The following RBFOX1 variants were observed in gnomAD, a reference collection of about 807,000 sequenced individuals.
The protein encoded by RBFOX1 is RNA binding protein fox-1 homolog 1.
Under a neutral mutation model 57.7 loss-of-function variants are expected in RBFOX1, and 8 were observed. The ratio of observed to expected loss-of-function variants is 0.14; its 90% CI spans 0.08 to 0.25. RBFOX1 has a LOEUF of 0.25. RBFOX1 is among the 10% of genes least tolerant of loss of function. RBFOX1 has a pLI of 1.00. For synonymous variants in RBFOX1, 326 were observed against 222.4 expected (o/e 1.47, Z -4.15); for missense variants, 611 against 548.5 (o/e 1.11, Z -1.14).
At chr16:7,115,593 C>A (rs938717736) in intron 4 of RBFOX1, among the ~76,000 whole-genome samples, 1 of 152,088 alleles carries the variant, frequency 6.6e-6, no homozygotes, top group Non-Finnish European at 1.5e-5. Context: ...AGTTTGCTGC[C>A]CACAGATTTA....
chr16:5,690,193 A>G (rs917464896), intron 3 of RBFOX1, among the ~76,000 whole-genome samples: 5 of 152,244 alleles, frequency 3.3e-5, no homozygotes, highest in African/African-American at 1.2e-4. Context: ...TACTTATCCA[A>G]TGAAAGGGCA....
At chr16:5,864,799 T>C (rs950172823) in intron 3 of RBFOX1, among the ~76,000 whole-genome samples, 1 of 152,172 alleles carries the variant, frequency 6.6e-6, no homozygotes, top group South Asian at 2.1e-4. Flanking sequence ...TGGGAAAAAC[T>C]GAAACGCAAA....
chr16:7,196,456 G>C (rs1021649641), intron 4 of RBFOX1, among the ~76,000 whole-genome samples: 4 of 152,180 alleles, frequency 2.6e-5, no homozygotes, highest in Non-Finnish European at 4.4e-5. Flanking sequence ...AACACTGATA[G>C]TGTAGGTACC....
intron 3 of RBFOX1, among the ~76,000 whole-genome samples, chr16:6,849,023 G>T (rs553765295): frequency 2.0e-5 from 3 of 152,258 alleles, no homozygotes; most frequent in Admixed American, 6.5e-5. Flanking sequence ...CCCACCATTG[G>T]CCAGGCTTAC....
chr16:7,692,241 A>G lies in RBFOX1; in HGVS notation c.995+15403A>G, dbSNP rs17144608. 4.6e-5 allele frequency among the ~76,000 whole-genome samples: 7 copies of G among 152,300 alleles called. No individual in the cohort carries two copies. The South Asian group carries it at 1.2e-3, about 27-fold the overall frequency. ...TAAAAATATTATTCTCAAAGCATGT[A>G]TAACTTGTTTATATTTTATTGGTGT... On this transcript the variant is annotated intron_variant, in intron 14 of 15. Transcript: ENST00000550418.
At chr16:5,622,462 A>G (rs1465269639) in intron 3 of RBFOX1, among the ~76,000 whole-genome samples, 1 of 152,234 alleles carries the variant, frequency 6.6e-6, no homozygotes. Flanking sequence ...TGAATAAACA[A>G]ATCCATTGAA....
intron 4 of RBFOX1, among the ~76,000 whole-genome samples, chr16:5,993,888 A>C (rs2152322375): frequency 6.6e-6 from 1 of 152,266 alleles, no homozygotes; most frequent in Middle Eastern, 3.4e-3. Flanking sequence ...ATTAATTCTT[A>C]TTTAGTGAAG....
At chr16:7,698,185 T>TGG (rs923251834) in intron 14 of RBFOX1, among the ~76,000 whole-genome samples, 1 of 32,450 alleles carries the variant, frequency 3.1e-5, no homozygotes, top group African/African-American at 9.6e-5. Context: ...TCCAAGAGGG[T>TGG]GTGTGTGTGT....
chr16:5,468,896 T>G (rs1050878740), intron 2 of RBFOX1, among the ~76,000 whole-genome samples: 45 of 152,216 alleles, frequency 3.0e-4, no homozygotes, highest in Admixed American at 2.9e-3. Flanking sequence ...CTTCTTCACT[T>G]GGCTTCCCGC....
At position 5,342,155 on chromosome 16, in the gene RBFOX1, C is replaced by T. The variant is rs568057153; in HGVS notation, c.219+102050C>T. On this transcript the variant is annotated intron_variant, in intron 1 of 2. Transcript: ENST00000585867. ...AATTTTCCACCTTCTAATTGCTTTG[C>T]ATATATGTTCATTTCTTCTCACACA... 7.0e-4 allele frequency among the ~76,000 whole-genome samples: 107 copies of T among 152,182 alleles called. 1 individual carries two copies. Among genetic ancestry groups the T allele is most frequent in the Non-Finnish European group, 2.2e-4 (15 of 68,038 alleles).
chr16:6,297,177 G>A (rs184398294), intron 1 of RBFOX1, among the ~76,000 whole-genome samples: 15 of 152,174 alleles, frequency 9.9e-5, no homozygotes, highest in African/African-American at 1.4e-4. Context: ...GGTTTTGGCC[G>A]GCTTTCTTAC....
intron 1 of RBFOX1, among the ~76,000 whole-genome samples, chr16:5,289,944 A>G (rs1462690092): frequency 2.0e-5 from 3 of 152,274 alleles, no homozygotes; most frequent in African/African-American, 7.2e-5. Flanking sequence ...AGCGTTATTC[A>G]TAATAGTGCC....
chr16:6,243,137 C>CGTGTGTGTGTGTGTGTGTGT (rs34797833), intron 1 of RBFOX1, among the ~76,000 whole-genome samples: 3 of 150,326 alleles, frequency 2.0e-5, no homozygotes, highest in African/African-American at 7.4e-5. Context: ...GATATTTATA[C>CGTGTGTGTGTGTGTGTGTGT]GTGTGTCTGT....
At chr16:6,104,645 G>T (rs2096356402) in intron 1 of RBFOX1, among the ~76,000 whole-genome samples, 1 of 152,124 alleles carries the variant, frequency 6.6e-6, no homozygotes, top group Admixed American at 6.6e-5. Context: ...TAGCCCAGAA[G>T]TGTAAGCAGT....
intron 4 of RBFOX1, among the ~76,000 whole-genome samples, chr16:7,243,709 G>A (rs13334458): frequency 1.9e-4 from 29 of 152,108 alleles, no homozygotes; most frequent in African/African-American, 5.5e-4. Context: ...ATCACATCCA[G>A]CTAATTTTAT....
At chr16:7,661,480 C>A (rs1487611010) in intron 12 of RBFOX1, among the ~76,000 whole-genome samples, 1 of 152,190 alleles carries the variant, frequency 6.6e-6, no homozygotes, top group Non-Finnish European at 1.5e-5. Flanking sequence ...CGAGCCAAGG[C>A]TTTGAGGTTT....
chr16:6,799,141 C>T (rs922739525), intron 3 of RBFOX1, among the ~76,000 whole-genome samples: 3 of 151,836 alleles, frequency 2.0e-5, no homozygotes, highest in South Asian at 2.1e-4. Flanking sequence ...GGCTCAGCTT[C>T]GAAGAGTTCT....
intron 4 of RBFOX1, among the ~76,000 whole-genome samples, chr16:7,062,820 C>T (rs1211384199): frequency 6.6e-6 from 1 of 150,376 alleles, no homozygotes; most frequent in Non-Finnish European, 1.5e-5. Context: ...ACCCTGATTC[C>T]TGCCTTTATG....
intron 4 of RBFOX1, among the ~76,000 whole-genome samples, chr16:7,204,350 A>G (rs531794780): frequency 6.6e-6 from 1 of 152,194 alleles, no homozygotes; most frequent in African/African-American, 2.4e-5. Context: ...TCCCATATTT[A>G]TAAGTTCCTG....
Sources: allele counts gnomAD v4.1 joint callset (sites outside exome capture counted in the v4.1 genomes callset), GRCh38; gene constraint gnomAD v4.1.1; transcripts MANE v1.5; gene names NCBI Gene and HGNC (gene_info 2026-07-23, HGNC 2026-07-21).